RBM20: variants seen among roughly 807,000 people sequenced by gnomAD.
The protein encoded by RBM20 is RNA binding motif protein 20, also known as RNA-binding protein 20.
A neutral mutation model predicts 110.1 loss-of-function variants in RBM20; 51 were observed. The observed-to-expected ratio is 0.46, with a 90% CI of 0.37 to 0.59. The LOEUF (loss-of-function observed/expected upper bound fraction) is 0.59. Among genes scored for constraint, RBM20 ranks in the 20% least tolerant of loss-of-function variants. RBM20 has a pLI of 0.00. For missense variants in RBM20, 1,512 were observed against 1,574.9 expected, an observed-to-expected ratio of 0.96 and a Z score of 0.68; for synonymous variants, 589 against 618.2, an observed-to-expected ratio of 0.95 and a Z score of 0.70.
intron 1 of RBM20, among the ~76,000 whole-genome samples, chr10:110,760,630 G>T (rs192481772): frequency 8.0e-5 from 12 of 149,556 alleles, no homozygotes; most frequent in Non-Finnish European, 1.6e-4. Flanking sequence ...TAGTAGAGAC[G>T]CAGGGTTTCA....
At chr10:110,707,245 G>A (rs1862854346) in intron 1 of RBM20, among the ~76,000 whole-genome samples, 1 of 152,180 alleles carries the variant, frequency 6.6e-6, no homozygotes, top group Non-Finnish European at 1.5e-5. Flanking sequence ...AACATCTCAT[G>A]TTGTAAATAA....
intron 1 of RBM20, among the ~76,000 whole-genome samples, chr10:110,714,638 A>G (rs1408768653): frequency 2.0e-5 from 3 of 152,226 alleles, no homozygotes; most frequent in African/African-American, 7.2e-5. Context: ...AGCCTCTGGG[A>G]GCTGTGGGTG....
At position 110,780,620 on chromosome 10, in the gene RBM20, GT is replaced by G. The variant is rs34363441; in HGVS notation, c.192-164del. 0.54 allele frequency among the ~76,000 whole-genome samples: 76,189 copies of G among 140,692 alleles called. 20,366 individuals carry two copies. Among genetic ancestry groups the G allele is most frequent in the Admixed American group, 0.59 (8,362 of 14,246 alleles). 92.3% of individuals were successfully genotyped at this position (140,692 alleles called of 152,430 possible). A position where few individuals can be genotyped will look rare whatever the true frequency, so the allele number is the denominator to read the frequency against. Reference sequence around the variant, plus strand: ...TCTGTCATATAATTTTTCCATTGGAGTTTTTTTTTTTTTTTTTAATGTGTAT... The same window carrying G: ...TCTGTCATATAATTTTTCCATTGGAGTTTTTTTTTTTTTTTTAATGTGTAT... On this transcript the variant is annotated intron_variant, in intron 1 of 13. Transcript: ENST00000369519.
intron 1 of RBM20, among the ~76,000 whole-genome samples, chr10:110,741,105 T>G (rs876975): frequency 6.6e-6 from 1 of 152,184 alleles, no homozygotes; most frequent in Middle Eastern, 3.2e-3. Flanking sequence ...CTCCTGACAT[T>G]TCCTCCAGCT....
intron 1 of RBM20, among the ~76,000 whole-genome samples, chr10:110,650,135 G>C (rs752643848): frequency 2.6e-5 from 4 of 152,134 alleles, no homozygotes; most frequent in Non-Finnish European, 5.9e-5. Context: ...CCAGCTGTTG[G>C]GGGAGGAAGT....
chr10:110,815,936 T>A (rs1844832180), intron 9 of RBM20, among the ~76,000 whole-genome samples: 1 of 152,064 alleles, frequency 6.6e-6, no homozygotes, highest in Admixed American at 6.5e-5. Context: ...AGTCCAACAG[T>A]GTGTGTTGGA....
chr10:110,695,530 C>T (rs554874343), intron 1 of RBM20, among the ~76,000 whole-genome samples: 80 of 152,188 alleles, frequency 5.3e-4, no homozygotes, highest in Non-Finnish European at 9.6e-4. Context: ...GCCCCTTGCC[C>T]AGCCCAGAGT....
At chr10:110,727,143 CTTTTTTT>C (rs57606079) in intron 1 of RBM20, among the ~76,000 whole-genome samples, 4 of 80,664 alleles carry the variant, frequency 5.0e-5, no homozygotes, top group African/African-American at 2.1e-4. Context: ...TGCACCCAGC[CTTTTTTT>C]TTTTTTTTTT....
chr10:110,788,593 G>T (rs2135057450), intron 5 of RBM20, among the ~76,000 whole-genome samples: 1 of 152,310 alleles, frequency 6.6e-6, no homozygotes, highest in African/African-American at 2.4e-5. Flanking sequence ...CCCCCGGTTT[G>T]CCATTGCCAG....
rs372999896 is a variant in RBM20, at chr10:110,781,660, G to A, written c.1051G>A (p.Asp351Asn). 5.2e-6 allele frequency: 8 copies of A among 1,548,294 alleles called. No individual in the cohort carries two copies. Among genetic ancestry groups the A allele is most frequent in the African/African-American group, 4.1e-5 (3 of 72,950 alleles). ...PPHNQPYELY[D>N]PEEPTSDRTP... is the part of the protein sequence containing the mutation. ...CCACAACCAGCCCTATGAGCTGTACGACCCCGAGGAACCAACCTCAGACAG... is the reference window on the plus strand; with the variant it reads ...CCACAACCAGCCCTATGAGCTGTACAACCCCGAGGAACCAACCTCAGACAG... The change falls in exon 2 of 14, where the codon GAC becomes AAC. Residue 351 changes from aspartate (D) to asparagine (N), a missense_variant. Asp to Asn is a conservative substitution (Grantham distance 23). Transcript: ENST00000369519.
At chr10:110,834,203 C>A (rs192581751) in intron 13 of RBM20, among the ~76,000 whole-genome samples, 3 of 152,216 alleles carry the variant, frequency 2.0e-5, no homozygotes, top group African/African-American at 7.2e-5. Context: ...ACGTACTGGG[C>A]GCTCATTCGC....
chr10:110,772,467 A>C (rs1277284233), intron 1 of RBM20, among the ~76,000 whole-genome samples: 1 of 152,226 alleles, frequency 6.6e-6, no homozygotes, highest in Non-Finnish European at 1.5e-5. Flanking sequence ...GTCCCATAAG[A>C]TTATAATACT....
intron 1 of RBM20, among the ~76,000 whole-genome samples, chr10:110,672,725 C>T (rs962886580): frequency 6.6e-6 from 1 of 152,248 alleles, no homozygotes; most frequent in African/African-American, 2.4e-5. Flanking sequence ...AGTGCCAGTG[C>T]CCCCAGAGTG....
At chr10:110,687,938 A>C (rs1399060925) in intron 1 of RBM20, among the ~76,000 whole-genome samples, 1 of 151,970 alleles carries the variant, frequency 6.6e-6, no homozygotes, top group Non-Finnish European at 1.5e-5. Flanking sequence ...AAACATCAAC[A>C]TCCTAGAAGT....
At chr10:110,719,796 T>C (rs534586190) in intron 1 of RBM20, among the ~76,000 whole-genome samples, 4 of 152,370 alleles carry the variant, frequency 2.6e-5, no homozygotes, top group East Asian at 3.9e-4. Flanking sequence ...GATTGTAATA[T>C]GTGCCTCTTA....
intron 1 of RBM20, among the ~76,000 whole-genome samples, chr10:110,712,429 G>A (rs1862946891): frequency 6.6e-6 from 1 of 152,186 alleles, no homozygotes; most frequent in Admixed American, 6.5e-5. Flanking sequence ...GACATGAGGA[G>A]GTTGGCTAGA....
intron 1 of RBM20, among the ~76,000 whole-genome samples, chr10:110,704,987 A>G (rs978730237): frequency 4.6e-5 from 7 of 152,260 alleles, no homozygotes; most frequent in African/African-American, 1.7e-4. Flanking sequence ...GCAGTGATAA[A>G]TCCCTTTGAA....
intron 1 of RBM20, among the ~76,000 whole-genome samples, chr10:110,750,169 G>C (rs1843834245): frequency 6.6e-6 from 1 of 152,186 alleles, no homozygotes; most frequent in Admixed American, 6.5e-5. Context: ...AATCCTGGTT[G>C]GTGGGGACAC....
At chr10:110,792,149 A>ATCTG in intron 5 of RBM20, among the ~76,000 whole-genome samples, 1 of 67,430 alleles carries the variant, frequency 1.5e-5, no homozygotes, top group African/African-American at 4.8e-5. Context: ...CTGTCTATCT[A>ATCTG]TCTATCTATC....
Sources: gnomAD v4.1 joint callset for allele counts (sites outside exome capture counted in the v4.1 genomes callset) on GRCh38, gnomAD v4.1.1 for gene constraint, MANE v1.5 for transcripts, NCBI Gene and HGNC (gene_info 2026-07-23, HGNC 2026-07-21) for gene names.